BCAS3: variants seen among roughly 807,000 people sequenced by gnomAD.
The protein encoded by BCAS3 is BCAS4/BCAS3 fusion.
In BCAS3, 53 loss-of-function variants were observed where a neutral mutation model predicts 116.1. The ratio of observed to expected loss-of-function variants is 0.46; its 90% CI spans 0.37 to 0.57. The LOEUF (loss-of-function observed/expected upper bound fraction) is 0.57, where lower values mean the gene tolerates loss of function less well. Ranked by LOEUF, BCAS3 falls within the 20% of genes least tolerant of loss-of-function variation. The pLI is 0.00. For missense variants in BCAS3, 917 were observed against 1,165.4 expected (o/e 0.79, Z 3.10); for synonymous variants, 391 against 408.2 (o/e 0.96, Z 0.51).
chr17:61,283,449 T>G (rs2051418665), intron 22 of BCAS3, among the ~76,000 whole-genome samples: 1 of 150,584 alleles, frequency 6.6e-6, no homozygotes, highest in African/African-American at 2.5e-5. Flanking sequence ...GTTGCAAAAG[T>G]AAATTGATTT....
At chr17:60,900,107 T>A (rs1425050767) in intron 10 of BCAS3, 3 of 150,876 alleles carry the variant, frequency 2.0e-5, no homozygotes, top group African/African-American at 7.4e-5. Context: ...CAGGTCAAAA[T>A]TCCCATGCTG....
intron 13 of BCAS3, among the ~76,000 whole-genome samples, chr17:60,926,385 C>T (rs976794106): frequency 1.3e-5 from 2 of 152,068 alleles, no homozygotes; most frequent in African/African-American, 4.8e-5. Context: ...CCCTTCTTTT[C>T]ATCTTTTCAA....
intron 18 of BCAS3, among the ~76,000 whole-genome samples, chr17:61,039,626 T>C (rs561130471): frequency 1.3e-3 from 191 of 152,234 alleles, no homozygotes; most frequent in African/African-American, 4.3e-3. Flanking sequence ...TTTCACTGTG[T>C]TAGTCAGGAT....
At chr17:60,802,353 C>CACAT (rs200400419) in intron 6 of BCAS3, among the ~76,000 whole-genome samples, 24 of 141,330 alleles carry the variant, frequency 1.7e-4, no homozygotes, top group Admixed American at 7.6e-4. Flanking sequence ...CAAATACACA[C>CACAT]ACATACATAC....
In BCAS3 at chr17:60,731,639, G is replaced by A. The variant is rs1012877883; in HGVS notation, c.322-15559G>A. Reference sequence around the variant, plus strand: ...GATTTTTTTTCTTCCTATTATGGAAGATTAACATTTATTTGTGGGATTTTA... The same window carrying A: ...GATTTTTTTTCTTCCTATTATGGAAAATTAACATTTATTTGTGGGATTTTA... On this transcript the variant is annotated intron_variant, in intron 5 of 23. Coordinates refer to ENST00000407086, the MANE Select transcript of BCAS3 (RefSeq NM_017679.5). 1.2e-4 allele frequency among the ~76,000 whole-genome samples: 19 copies of A among 152,066 alleles called. No individual in the cohort carries two copies. The South Asian group carries it at 4.0e-3, about 32-fold the overall frequency.
intron 23 of BCAS3, among the ~76,000 whole-genome samples, chr17:61,375,599 T>C (rs1457159304): frequency 1.3e-5 from 2 of 148,666 alleles, no homozygotes; most frequent in Non-Finnish European, 3.0e-5. Flanking sequence ...AGATGGAGTC[T>C]CACTCTGTCA....
At chr17:61,254,397 G>A (rs1568676765) in intron 22 of BCAS3, among the ~76,000 whole-genome samples, 1 of 152,142 alleles carries the variant, frequency 6.6e-6, no homozygotes, top group Non-Finnish European at 1.5e-5. Flanking sequence ...TGCCTCAATT[G>A]TTTTTTCCTT....
At chr17:60,858,951 A>G (rs76465269) in intron 7 of BCAS3, among the ~76,000 whole-genome samples, 4,625 of 152,278 alleles carry the variant, frequency 0.03, 179 homozygotes, top group East Asian at 0.092. Flanking sequence ...TTTTGCTTCT[A>G]CAACAGTTAT....
chr17:61,310,329 G>A (rs2054197026), intron 22 of BCAS3, among the ~76,000 whole-genome samples: 1 of 152,128 alleles, frequency 6.6e-6, no homozygotes, highest in Admixed American at 6.5e-5. Context: ...CACAGCACGT[G>A]GATCACCTGA....
chr17:60,797,736 A>G (rs1245479335), intron 6 of BCAS3, among the ~76,000 whole-genome samples: 1 of 152,092 alleles, frequency 6.6e-6, no homozygotes, highest in Non-Finnish European at 1.5e-5. Context: ...CTCTGTGTGC[A>G]TGTGTTCTCA....
At chr17:60,822,375 C>T (rs1399239997) in intron 7 of BCAS3, among the ~76,000 whole-genome samples, 1 of 151,954 alleles carries the variant, frequency 6.6e-6, no homozygotes, top group Non-Finnish European at 1.5e-5. Flanking sequence ...AATTCAGTTA[C>T]CTCTTCATTC....
intron 6 of BCAS3, among the ~76,000 whole-genome samples, chr17:60,750,041 C>G (rs552530410): frequency 6.6e-6 from 1 of 152,112 alleles, no homozygotes; most frequent in African/African-American, 2.4e-5. Context: ...GTGGCCAGTG[C>G]CTGTTATTCC....
At chr17:61,167,354 A>G (rs941752448) in intron 22 of BCAS3, among the ~76,000 whole-genome samples, 2 of 152,250 alleles carry the variant, frequency 1.3e-5, no homozygotes, top group African/African-American at 4.8e-5. Flanking sequence ...AAACTCAGAA[A>G]GATTAGCAAT....
rs1357784172 is a variant in BCAS3, at chr17:61,251,290, CTGGG to C, written c.2426-117034_2426-117031del. On this transcript the variant is annotated intron_variant, in intron 22 of 23. Coordinates refer to ENST00000407086, the MANE Select transcript of BCAS3 (RefSeq NM_017679.5). This position sits in a 1 kb window ranked among gnomAD's most constrained non-coding sequence, Gnocchi z 4.7. ...ATTCCTTGCTGAAAAAAAGACTGGGCTGGGTGTGGTGGCTCATGCCTGTAATCCC... is the reference window on the plus strand; with the variant it reads ...ATTCCTTGCTGAAAAAAAGACTGGGCTGTGGTGGCTCATGCCTGTAATCCC... 1.3e-5 allele frequency among the ~76,000 whole-genome samples: 2 copies of C among 152,146 alleles called. No homozygotes were observed. Among genetic ancestry groups the C allele is most frequent in the African/African-American group, 4.8e-5 (2 of 41,422 alleles).
chr17:61,313,788 T>C lies in BCAS3; in HGVS notation c.2426-54539T>C, dbSNP rs3785857. On this transcript the variant is annotated intron_variant, in intron 22 of 23. Transcript: ENST00000407086. This position sits in a 1 kb window ranked among gnomAD's most constrained non-coding sequence, Gnocchi z 4.3. ...GGTTCCAGGGCACAGGATAAAAATA[T>C]ACAACTGGAAAGGCAAGCTCCCAAT... Among the ~76,000 whole-genome samples the C allele has an allele frequency of 0.78, 118,878 of 152,132 alleles. 46,583 individuals carry two copies. The highest frequency in any genetic ancestry group is 0.85 in the East Asian group (4,374 of 5,164).
rs144015349 is a variant in BCAS3 at position 60,986,453 on chromosome 17, C to T, written c.1222-3518C>T. On this transcript the variant is annotated intron_variant, in intron 14 of 23. Transcript: ENST00000407086. ...TAGTGGTTGTATTAATTTACATTCC[C>T]ACCAATAGTGTATGAGGGTTCCCTT... Among the ~76,000 whole-genome samples, 984 of 152,320 alleles carry T rather than the reference C, an allele frequency of 6.5e-3. 6 individuals carry two copies. Among genetic ancestry groups the T allele is most frequent in the African/African-American group, 0.022 (933 of 41,564 alleles).
At chr17:61,112,876 T>A (rs2075184180) in intron 22 of BCAS3, among the ~76,000 whole-genome samples, 1 of 151,488 alleles carries the variant, frequency 6.6e-6, no homozygotes, top group Non-Finnish European at 1.5e-5. Context: ...ACAGAGATTA[T>A]AGCAAACTAT....
At chr17:60,759,098 T>C (rs1011287261) in intron 6 of BCAS3, among the ~76,000 whole-genome samples, 58 of 152,082 alleles carry the variant, frequency 3.8e-4, no homozygotes, top group African/African-American at 1.3e-3. Context: ...CTTAGCCTCC[T>C]GAGTAGCTGG....
intron 3 of BCAS3, 67 bp downstream of exon 3, chr17:60,684,103 A>C: frequency 6.8e-7 from 1 of 1,479,824 alleles, no homozygotes; most frequent in Non-Finnish European, 9.4e-7. Flanking sequence ...TTGGTTTCCT[A>C]AACTTGACAC....
Sources: gnomAD v4.1 joint callset for allele counts (sites outside exome capture counted in the v4.1 genomes callset) on GRCh38, gnomAD v4.1.1 for gene constraint, Gnocchi (gnomAD v3.1) non-coding constraint, MANE v1.5 for transcripts, NCBI Gene and HGNC (gene_info 2026-07-23, HGNC 2026-07-21) for gene names.